ZBTB49: variants seen among roughly 807,000 people sequenced by gnomAD.
ZBTB49 encodes the protein zinc finger and BTB domain-containing protein 49.
ZBTB49 carries 43 observed loss-of-function variants against 57.5 expected under a neutral mutation model. The ratio of observed to expected loss-of-function variants is 0.75; its 90% CI spans 0.59 to 0.97. The LOEUF is 0.97. Ranked by LOEUF, ZBTB49 falls within the 50% of genes least tolerant of loss-of-function variation. The pLI, the probability that ZBTB49 is intolerant of heterozygous loss-of-function variation, is 0.00. For synonymous variants in ZBTB49, 369 were observed against 362.1 expected (o/e 1.02, Z -0.22); for missense variants, 938 against 947.7 (o/e 0.99, Z 0.13).
Position 4,302,586 on chromosome 4 carries a change from C to G in ZBTB49, c.750C>G (p.Thr250=). The change falls in exon 3 of 8, where the codon ACC becomes ACG. Residue 250 remains threonine (T), a synonymous_variant. Coordinates refer to ENST00000337872, the MANE Select transcript of ZBTB49 (RefSeq NM_145291.4). ...CTTTCAGCACCTCTACAGACCTTACCACGGTAGAGAGCCAGCCTTGTGCCG... is the reference window on the plus strand; with the variant it reads ...CTTTCAGCACCTCTACAGACCTTACGACGGTAGAGAGCCAGCCTTGTGCCG... ...PFAFSTSTDL[T]TVESQPCAVS... is the part of the protein sequence containing the mutation. The G allele has an allele frequency of 6.2e-7, 1 of 1,613,940 alleles. No homozygotes were observed. Among genetic ancestry groups the G allele is most frequent in the South Asian group, 1.1e-5 (1 of 91,046 alleles).
chr4:4,321,124 A>G lies in ZBTB49; in HGVS notation c.2106A>G (p.Glu702=). 6.2e-7 allele frequency: 1 copy of G among 1,614,096 alleles called. No individual in the cohort carries two copies. Among genetic ancestry groups the G allele is most frequent in the South Asian group, 1.1e-5 (1 of 91,076 alleles). Residue 702 remains glutamate (E), a synonymous_variant, in exon 8 of 8, where the codon GAA becomes GAG. Transcript: ENST00000337872. The stretch of plus-strand genomic sequence containing the variant: ...ATGTGGACACCCCAGCCGGTGGCGA[A>G]CCACTGCAGGCCGATGGCATGGCCA... ...YSDVDTPAGG[E]PLQADGMAMI...
intron 4 of ZBTB49, among the ~76,000 whole-genome samples, chr4:4,309,405 G>C (rs1031800844): frequency 6.6e-6 from 1 of 152,210 alleles, no homozygotes; most frequent in Non-Finnish European, 1.5e-5. Flanking sequence ...CCTCTGTGGC[G>C]TAGAACATGG....
intron 5 of ZBTB49, among the ~76,000 whole-genome samples, chr4:4,314,271 G>A (rs1470265): frequency 0.22 from 33,088 of 152,242 alleles, 4,548 homozygotes; most frequent in Admixed American, 0.31. Flanking sequence ...TGCCTCTGAT[G>A]GCATCACTTC....
At chr4:4,315,358 G>T (rs1225012276) in intron 5 of ZBTB49, among the ~76,000 whole-genome samples, 1 of 152,202 alleles carries the variant, frequency 6.6e-6, no homozygotes, top group Non-Finnish European at 1.5e-5. Context: ...GAACCGTACG[G>T]TATCTGATCT....
At chr4:4,311,749 G>C (rs1356871269) in intron 4 of ZBTB49, among the ~76,000 whole-genome samples, 1 of 152,142 alleles carries the variant, frequency 6.6e-6, no homozygotes, top group Non-Finnish European at 1.5e-5. Context: ...GTTATTAGGA[G>C]CCATTCTATT....
chr4:4,311,762 A>C (rs771148402), intron 4 of ZBTB49, among the ~76,000 whole-genome samples: 3 of 152,326 alleles, frequency 2.0e-5, no homozygotes, highest in Non-Finnish European at 2.9e-5. Context: ...ATTCTATTAA[A>C]AGCTGGACAT....
In ZBTB49 at chr4:4,321,099, A is replaced by G; in HGVS notation, c.2081A>G (p.Asp694Gly). The G allele has an allele frequency of 6.2e-7, 1 of 1,614,140 alleles. No individual in the cohort carries two copies. The highest frequency in any genetic ancestry group is 8.5e-7 in the Non-Finnish European group (1 of 1,180,034). ...QTQPQAYAYS[D>G]VDTPAGGEPL... ...CAGCCTCAGGCCTATGCTTACTCGG[A>G]TGTGGACACCCCAGCCGGTGGCGAA... The change falls in exon 8 of 8, where the codon GAT becomes GGT. Residue 694 changes from aspartate to glycine, a missense_variant. By Grantham distance (94) the Asp-to-Gly change is moderately conservative. Coordinates refer to ENST00000337872, the MANE Select transcript of ZBTB49 (RefSeq NM_145291.4).
At position 4,302,209 on chromosome 4, in the gene ZBTB49, C is replaced by G. The variant is rs372830091; in HGVS notation, c.373C>G (p.Pro125Ala). 4 of 1,614,118 alleles carry G rather than the reference C, an allele frequency of 2.5e-6. No individual in the cohort carries two copies. In the African/African-American group the frequency reaches 5.3e-5, roughly 22 times the overall value. ...TFLKSATVVQPPGMPCNSTLS... is the reference protein window; with the variant it reads ...TFLKSATVVQAPGMPCNSTLS... ...TTTAAAATCAGCCACTGTAGTACAG[C>G]CACCTGGCATGCCTTGTAATAGTAC... Residue 125 changes from proline to alanine, a missense_variant, in exon 3 of 8, where the codon CCA becomes GCA. By Grantham distance (27) the Pro-to-Ala change is conservative. This residue lies in a region of ZBTB49 where 835 missense variants were observed against 819.1 expected (regional missense o/e 1.02). Transcript: ENST00000337872.
intron 7 of ZBTB49, among the ~76,000 whole-genome samples, chr4:4,317,186 G>A (rs571784183): frequency 2.6e-5 from 4 of 152,146 alleles, no homozygotes; most frequent in African/African-American, 9.7e-5. Context: ...GGGGCCTTCC[G>A]TCCCCTCTGC....
rs769928810 is a variant in ZBTB49, at chr4:4,313,059, CACTT to C, written c.1324_1327del (p.Leu442AspfsTer52). 1.2e-5 allele frequency: 20 copies of C among 1,614,040 alleles called. No individual in the cohort carries two copies. The highest frequency in any genetic ancestry group is 2.2e-5 in the East Asian group (1 of 44,894). Reference sequence around the variant, plus strand: ...TTTGCAGGCAGGTAACTTGCAGACTCACTTACGACGGCATTCTGGTGAAAAACCA... The same window carrying C: ...TTTGCAGGCAGGTAACTTGCAGACTCACGACGGCATTCTGGTGAAAAACCA... On this transcript the variant is annotated frameshift_variant, in exon 5 of 8. Transcript: ENST00000337872. LOFTEE classifies it high-confidence loss of function.
At chr4:4,304,356 G>A (rs1472109773) in intron 3 of ZBTB49, among the ~76,000 whole-genome samples, 1 of 151,790 alleles carries the variant, frequency 6.6e-6, no homozygotes, top group Non-Finnish European at 1.5e-5. Context: ...CTCCCGAGTA[G>A]CTGGGACTAC....
intron 4 of ZBTB49, among the ~76,000 whole-genome samples, chr4:4,308,706 G>C (rs4689269): frequency 3.6e-4 from 55 of 152,296 alleles, no homozygotes; most frequent in African/African-American, 8.4e-4. Context: ...GTGCCGGGAA[G>C]GGGGACAGAA....
chr4:4,317,740 C>T (rs1267967300), intron 7 of ZBTB49, among the ~76,000 whole-genome samples: 2 of 152,000 alleles, frequency 1.3e-5, no homozygotes, highest in African/African-American at 4.8e-5. Context: ...TCAAACTGCT[C>T]GCAGGCTCGT....
intron 1 of ZBTB49, among the ~76,000 whole-genome samples, chr4:4,296,813 A>G (rs1173453915): frequency 3.2e-4 from 48 of 152,142 alleles, no homozygotes; most frequent in Non-Finnish European, 1.5e-5. Flanking sequence ...ACATGGGGCA[A>G]TGTCAGTGTG....
At chr4:4,317,009 G>A (rs1560116510) in intron 7 of ZBTB49, among the ~76,000 whole-genome samples, 1 of 152,228 alleles carries the variant, frequency 6.6e-6, no homozygotes, top group Non-Finnish European at 1.5e-5. Flanking sequence ...CTGCCTGGGT[G>A]ACAGCGAGAG....
chr4:4,312,147 A>T (rs1322597499), intron 4 of ZBTB49, among the ~76,000 whole-genome samples: 1 of 152,054 alleles, frequency 6.6e-6, no homozygotes. Context: ...ATATTACCTC[A>T]TTTCAGTAGG....
intron 7 of ZBTB49, among the ~76,000 whole-genome samples, chr4:4,320,367 A>T (rs1426199524): frequency 1.3e-5 from 2 of 152,128 alleles, no homozygotes; most frequent in Non-Finnish European, 2.9e-5. Flanking sequence ...CTCTCCTCAG[A>T]TCAGGGTTGT....
rs1468238822 is a variant in ZBTB49 at position 4,321,374 on chromosome 4, G to C, written c.*58G>C. On this transcript the variant is annotated 3_prime_UTR_variant, in exon 8 of 8. Coordinates refer to ENST00000337872, the MANE Select transcript of ZBTB49 (RefSeq NM_145291.4). Reference sequence around the variant, plus strand: ...CTCAGTTTAGCAGGCTGGTGTTAAGGCTGTAGGAGGACCCAGTTTCCCCAT... The same window carrying C: ...CTCAGTTTAGCAGGCTGGTGTTAAGCCTGTAGGAGGACCCAGTTTCCCCAT... The C allele has an allele frequency of 1.9e-6, 3 of 1,558,872 alleles. No homozygotes were observed. The African/African-American group carries it at 4.1e-5, about 21-fold the overall frequency.
Position 4,306,186 on chromosome 4 carries a change from T to G in ZBTB49, c.1302+2T>G. 1 of 1,612,158 alleles carries G rather than the reference T, an allele frequency of 6.2e-7. No individual in the cohort carries two copies. Among genetic ancestry groups the G allele is most frequent in the Non-Finnish European group, 8.5e-7 (1 of 1,178,750 alleles). ...ATTTGTGGGAAACATTTCTCTCAGGTGGGAATACTCTTATTTATTGTTAAT... is the reference window on the plus strand; with the variant it reads ...ATTTGTGGGAAACATTTCTCTCAGGGGGGAATACTCTTATTTATTGTTAAT... On this transcript the variant is annotated splice_donor_variant, in intron 4 of 7. Transcript: ENST00000337872. LOFTEE classifies it high-confidence loss of function.
Sources: allele counts gnomAD v4.1 joint callset (sites outside exome capture counted in the v4.1 genomes callset), GRCh38; gene constraint gnomAD v4.1.1; regional missense constraint gnomAD v4.1.1; transcripts MANE v1.5; gene names NCBI Gene and HGNC (gene_info 2026-07-23, HGNC 2026-07-21).